Variants in TBC1D2 observed in about 807,000 individuals in gnomAD.
TBC1D2 encodes the protein TBC1 domain family member 2.
TBC1D2 carries 58 observed loss-of-function variants against 91.1 expected under a neutral mutation model. The ratio of observed to expected loss-of-function variants is 0.64; its 90% CI spans 0.52 to 0.79. TBC1D2 has a LOEUF of 0.79. TBC1D2 is among the 30% of genes least tolerant of loss of function. The pLI is 0.00. For synonymous variants in TBC1D2, 482 were observed against 511.5 expected (o/e 0.94, Z 0.78); for missense variants, 1,080 against 1,208.3 (o/e 0.89, Z 1.57).
At chr9:98,242,170 G>C (rs1038055976) in intron 3 of TBC1D2, among the ~76,000 whole-genome samples, 1 of 152,142 alleles carries the variant, frequency 6.6e-6, no homozygotes, top group Non-Finnish European at 1.5e-5. Flanking sequence ...GGCTGGGCGT[G>C]GTGGCTCACG....
In TBC1D2 at chr9:98,208,694, G is replaced by A; in HGVS notation, c.2124C>T (p.Thr708=). 2 of 1,533,256 alleles carry A rather than the reference G, an allele frequency of 1.3e-6. No homozygotes were observed. Among genetic ancestry groups the A allele is most frequent in the Non-Finnish European group, 1.8e-6 (2 of 1,137,542 alleles). The allele number at this position is 1,533,256 out of a possible 1,614,324, so 95.0% of individuals were successfully genotyped here. The change falls in exon 9 of 13, where the codon ACC becomes ACT. Residue 708 remains threonine (T), a synonymous_variant. Transcript: ENST00000465784. ...TGTTCAGGCCCTGGCAGTAGCCGAT[G>A]GTGGGGTTCTGCCAGGAGAAGGCCA... ...VLLAFSWQNP[T]IGYCQGLNRL...
In TBC1D2 at chr9:98,201,799, A is replaced by G. The variant is rs1828513376; in HGVS notation, c.2272-135T>C. ...GGGCAGGTCCTTTCCTGCCCAGGAGACACCTCGGGGAGCCAGGGGCCAGTC... is the reference window on the plus strand; with the variant it reads ...GGGCAGGTCCTTTCCTGCCCAGGAGGCACCTCGGGGAGCCAGGGGCCAGTC... On this transcript the variant is annotated intron_variant, in intron 10 of 12. Coordinates refer to ENST00000465784, the MANE Select transcript of TBC1D2 (RefSeq NM_001267571.2). 11 of 833,834 alleles carry G rather than the reference A, an allele frequency of 1.3e-5. No individual in the cohort carries two copies. The South Asian group carries it at 2.1e-4, about 16-fold the overall frequency. The allele number at this position is 833,834 out of a possible 1,614,324, so 51.7% of individuals were successfully genotyped here.
At chr9:98,244,512 A>G (rs1829721137) in intron 2 of TBC1D2, among the ~76,000 whole-genome samples, 1 of 152,032 alleles carries the variant, frequency 6.6e-6, no homozygotes, top group Non-Finnish European at 1.5e-5. Flanking sequence ...ACACAAAATT[A>G]GCCAGGCGTG....
At position 98,255,364 on chromosome 9, in the gene TBC1D2, G is replaced by T; in HGVS notation, c.178C>A (p.Pro60Thr). Residue 60 changes from proline (P) to threonine (T), a missense_variant, in exon 1 of 13, where the codon CCC becomes ACC. Coordinates refer to ENST00000465784, the MANE Select transcript of TBC1D2 (RefSeq NM_001267571.2). Reference sequence around the variant, plus strand: ...CAGCGGGATTTCCAGCCCCGGATGGGCCCTTTGCCGCCGAACTTACTTAAA... The same window carrying T: ...CAGCGGGATTTCCAGCCCCGGATGGTCCCTTTGCCGCCGAACTTACTTAAA... ...GYLSKFGGKG[P>T]IRGWKSRWFF... The T allele has an allele frequency of 6.2e-7, 1 of 1,614,226 alleles. No individual in the cohort carries two copies. Among genetic ancestry groups the T allele is most frequent in the African/African-American group, 1.3e-5 (1 of 75,044 alleles).
rs1828947573 is a variant in TBC1D2 at position 98,215,453 on chromosome 9, G to A, written c.1375-2235C>T. On this transcript the variant is annotated intron_variant, in intron 6 of 12. Coordinates refer to ENST00000465784, the MANE Select transcript of TBC1D2 (RefSeq NM_001267571.2). The stretch of plus-strand genomic sequence containing the variant: ...GATGAGGCCTCAGAGGCTCTGAAAG[G>A]GTAGGCAACTTGCCTAAGGCACAGC... Among the ~76,000 whole-genome samples the A allele has an allele frequency of 2.0e-5, 3 of 152,298 alleles. No homozygotes were observed. In the South Asian group the frequency reaches 6.2e-4, roughly 32 times the overall value.
chr9:98,213,746 C>T (rs1433486061), intron 6 of TBC1D2, among the ~76,000 whole-genome samples: 1 of 152,268 alleles, frequency 6.6e-6, no homozygotes. Flanking sequence ...TTTTTAACCT[C>T]TGGTGATGAT....
chr9:98,240,023 CTT>C (rs1191400335), intron 3 of TBC1D2, among the ~76,000 whole-genome samples: 1 of 152,116 alleles, frequency 6.6e-6, no homozygotes, highest in Non-Finnish European at 1.5e-5. Context: ...GCAATGCTCT[CTT>C]TTGTTCTTGA....
chr9:98,200,847 C>T (rs1303287242), intron 11 of TBC1D2, among the ~76,000 whole-genome samples: 1 of 152,080 alleles, frequency 6.6e-6, no homozygotes, highest in Non-Finnish European at 1.5e-5. Context: ...GAAACCCCAT[C>T]TCTACTAAAA....
rs753455224 is a variant in TBC1D2, at chr9:98,232,342, G to GTTTTTTTTTTTTTTTTTTTTTTTT, written c.781+1073_781+1074insAAAAAAAAAAAAAAAAAAAAAAAA. 4.3e-4 allele frequency among the ~76,000 whole-genome samples: 37 copies of GTTTTTTTTTTTTTTTTTTTTTTTT among 86,766 alleles called. 3 individuals carry two copies. The highest frequency in any genetic ancestry group is 1.2e-3 in the East Asian group (4 of 3,236). 56.9% of individuals were successfully genotyped at this position (86,766 alleles called of 152,430 possible). ...TTTCTTTTCTTCTTTCTCTTTTTCT[G>GTTTTTTTTTTTTTTTTTTTTTTTT]TTTTTTTTTTTGACAGTGTCTCACT... On this transcript the variant is annotated intron_variant, in intron 4 of 12. Coordinates refer to ENST00000465784, the MANE Select transcript of TBC1D2 (RefSeq NM_001267571.2).
chr9:98,200,472 C>G, intron 11 of TBC1D2, 98 bp from the exon 12 acceptor site: 3 of 1,143,770 alleles, frequency 2.6e-6, no homozygotes, highest in South Asian at 2.7e-5. Context: ...ATGGAAGACC[C>G]TGGACTGGCT....
At chr9:98,243,337 A>C (rs1251703898) in intron 3 of TBC1D2, among the ~76,000 whole-genome samples, 1 of 152,034 alleles carries the variant, frequency 6.6e-6, no homozygotes, top group Non-Finnish European at 1.5e-5. Flanking sequence ...AAATGCTAAG[A>C]ATATTTGTCT....
intron 2 of TBC1D2, among the ~76,000 whole-genome samples, chr9:98,248,055 A>G (rs573912507): frequency 1.9e-4 from 29 of 152,354 alleles, no homozygotes; most frequent in African/African-American, 5.8e-4. Flanking sequence ...CAATGAGGAA[A>G]TAGCCACTCA....
chr9:98,248,659 G>C lies in TBC1D2; in HGVS notation c.511+3126C>G, dbSNP rs796589589. On this transcript the variant is annotated intron_variant, in intron 2 of 12. Transcript: ENST00000465784. ...TGACCTCTTTGAGCCTTAGTTTCCT[G>C]GTCTATAAAATGGAAATAGCACTAA... Among the ~76,000 whole-genome samples, 16 of 152,236 alleles carry C rather than the reference G, an allele frequency of 1.1e-4. No individual in the cohort carries two copies. In the South Asian group the frequency reaches 2.9e-3, roughly 28 times the overall value.
Position 98,252,009 on chromosome 9 carries a change from G to A in TBC1D2, c.370-83C>T. 4.7e-6 allele frequency: 7 copies of A among 1,494,696 alleles called. No homozygotes were observed. The South Asian group carries it at 7.7e-5, about 16-fold the overall frequency. The allele number at this position is 1,494,696 out of a possible 1,614,324, so 92.6% of individuals were successfully genotyped here. A position where few individuals can be genotyped will look rare whatever the true frequency, so the allele number is the denominator to read the frequency against. ...CAGGAAGAGGGGAAGGTTGTGGGAG[G>A]CTTAGGAATGCTTTCTTTCCCAGGA... On this transcript the variant is annotated intron_variant, in intron 1 of 12. Coordinates refer to ENST00000465784, the MANE Select transcript of TBC1D2 (RefSeq NM_001267571.2).
At chr9:98,224,929 G>T (rs1829194266) in intron 5 of TBC1D2, among the ~76,000 whole-genome samples, 1 of 152,156 alleles carries the variant, frequency 6.6e-6, no homozygotes, top group Non-Finnish European at 1.5e-5. Flanking sequence ...GCTCAGAACT[G>T]CCTCTAGCAT....
intron 3 of TBC1D2, among the ~76,000 whole-genome samples, chr9:98,236,415 G>C (rs972505773): frequency 6.6e-6 from 1 of 152,112 alleles, no homozygotes; most frequent in Non-Finnish European, 1.5e-5. Context: ...TAGAGACAGG[G>C]TTTTGCCGTT....
At chr9:98,213,542 T>G in intron 6 of TBC1D2, 1 of 470,096 alleles carries the variant, frequency 2.1e-6, no homozygotes, top group Non-Finnish European at 3.1e-6. Flanking sequence ...ACTAACCTAC[T>G]GGGCAGTTGG....
intron 3 of TBC1D2, among the ~76,000 whole-genome samples, chr9:98,234,253 C>G (rs760370891): frequency 2.6e-4 from 40 of 152,028 alleles, no homozygotes; most frequent in Middle Eastern, 3.2e-3. Context: ...TGCTGGTGCC[C>G]AACACTGGGT....
At chr9:98,224,041 T>C (rs368141167) in intron 5 of TBC1D2, among the ~76,000 whole-genome samples, 29 of 151,586 alleles carry the variant, frequency 1.9e-4, no homozygotes, top group African/African-American at 6.8e-4. Context: ...CTACTAAAAA[T>C]ACAAAAAAAT....
Sources: gnomAD v4.1 joint callset for allele counts (sites outside exome capture counted in the v4.1 genomes callset) on GRCh38, gnomAD v4.1.1 for gene constraint, MANE v1.5 for transcripts, NCBI Gene and HGNC (gene_info 2026-07-23, HGNC 2026-07-21) for gene names.